Variants in RAB7B observed in about 807,000 individuals in gnomAD.
The protein encoded by RAB7B is ras-related protein Rab-7b.
chr1:205,994,342 C>T, intron 1 of RAB7B, 191 bp from the exon 2 acceptor site: 1 of 354,590 alleles, frequency 2.8e-6, no homozygotes, highest in Non-Finnish European at 5.0e-6. Flanking sequence ...TCCCTGGGGG[C>T]CTCCCCAAAG....
In RAB7B at chr1:205,991,058, A is replaced by ATTGTGC. The variant is rs1180904486; in HGVS notation, c.396+1421_396+1422insGCACAA. Among the ~76,000 whole-genome samples the ATTGTGC allele has an allele frequency of 5.3e-5, 8 of 152,310 alleles. No individual in the cohort carries two copies. In the East Asian group the frequency reaches 1.5e-3, roughly 29 times the overall value. ...AGTGCTGGGATTACAGGCGTGAGCC[A>ATTGTGC]CTGTGCCCGGCCAAGACTGTCTTAT... On this transcript the variant is annotated intron_variant, in intron 4 of 5. Transcript: ENST00000617070.
chr1:205,987,954 A>T (rs1324595216), intron 4 of RAB7B, among the ~76,000 whole-genome samples: 17 of 152,112 alleles, frequency 1.1e-4, no homozygotes, highest in African/African-American at 4.1e-4. Context: ...TATGCTGCCC[A>T]GGTTGGTCTT....
At chr1:205,988,768 C>T (rs1660662614) in intron 4 of RAB7B, among the ~76,000 whole-genome samples, 1 of 152,138 alleles carries the variant, frequency 6.6e-6, no homozygotes, top group Non-Finnish European at 1.5e-5. Context: ...ACCAGGTGGG[C>T]GGCTGTGAGT....
At chr1:205,980,831 C>T (rs1322949715) in intron 5 of RAB7B, among the ~76,000 whole-genome samples, 1 of 111,350 alleles carries the variant, frequency 9.0e-6, no homozygotes, top group East Asian at 3.3e-4. Flanking sequence ...CCCTCCCCTT[C>T]CCCTCCCCCT....
chr1:205,990,874 G>A (rs985431185), intron 4 of RAB7B, among the ~76,000 whole-genome samples: 6 of 143,346 alleles, frequency 4.2e-5, no homozygotes, highest in African/African-American at 1.0e-4. Context: ...TGCAACTTCC[G>A]CCTCCCAGGT....
chr1:206,000,550 A>G (rs1026701567), intron 1 of RAB7B, among the ~76,000 whole-genome samples: 2 of 152,182 alleles, frequency 1.3e-5, no homozygotes, highest in Admixed American at 1.3e-4. Context: ...CATGGGTAAA[A>G]TGGACATCAC....
intron 4 of RAB7B, among the ~76,000 whole-genome samples, chr1:205,991,415 A>G (rs1660720209): frequency 6.6e-6 from 1 of 152,240 alleles, no homozygotes; most frequent in African/African-American, 2.4e-5. Context: ...GATGACTCGT[A>G]GATCTCTATT....
chr1:206,002,559 G>C (rs978221238), intron 1 of RAB7B, among the ~76,000 whole-genome samples: 1 of 152,162 alleles, frequency 6.6e-6, no homozygotes, highest in Admixed American at 6.5e-5. Context: ...TACTATCTCC[G>C]TGGGACCTTT....
chr1:205,980,196 AC>A (rs1412199756), intron 5 of RAB7B, among the ~76,000 whole-genome samples: 2 of 151,312 alleles, frequency 1.3e-5, no homozygotes, highest in East Asian at 3.9e-4. Flanking sequence ...CCCATCTCTC[AC>A]CCCCCACCCT....
At chr1:205,990,306 T>A (rs2102638587) in intron 4 of RAB7B, among the ~76,000 whole-genome samples, 1 of 152,172 alleles carries the variant, frequency 6.6e-6, no homozygotes, top group East Asian at 1.9e-4. Flanking sequence ...GGAGGAACAG[T>A]TAAGGACTCA....
chr1:205,984,192 G>A (rs1185361332), intron 5 of RAB7B: 11 of 152,354 alleles, frequency 7.2e-5, no homozygotes, highest in African/African-American at 2.4e-4. Context: ...TTCCTTTCCC[G>A]AGACAGTGAG....
At chr1:205,979,639 G>A (rs1660450398) in intron 5 of RAB7B, among the ~76,000 whole-genome samples, 1 of 152,156 alleles carries the variant, frequency 6.6e-6, no homozygotes, top group Non-Finnish European at 1.5e-5. Flanking sequence ...TCTTCTTCAA[G>A]GGATCCCATC....
intron 1 of RAB7B, among the ~76,000 whole-genome samples, chr1:205,996,721 G>A (rs1293431692): frequency 2.0e-5 from 3 of 152,196 alleles, no homozygotes; most frequent in African/African-American, 7.2e-5. Context: ...AATTTATGAA[G>A]GAAAGAGGTT....
Position 205,977,505 on chromosome 1 carries a change from AC to A in RAB7B, c.*1345del, listed in dbSNP as rs1355160766. On this transcript the variant is annotated 3_prime_UTR_variant, in exon 6 of 6. Transcript: ENST00000617070. The stretch of plus-strand genomic sequence containing the variant: ...AAGCTTTGAGCATCTGAAGGACAAA[AC>A]CCCAGCTCCTAAAACCTTCATGAGC... 2.0e-5 allele frequency: 3 copies of A among 152,198 alleles called. No homozygotes were observed. Among genetic ancestry groups the A allele is most frequent in the Admixed American group, 2.0e-4 (3 of 15,288 alleles). 9.4% of individuals were successfully genotyped at this position (152,198 alleles called of 1,614,324 possible).
intron 1 of RAB7B, among the ~76,000 whole-genome samples, chr1:205,997,036 G>C (rs1660820938): frequency 6.6e-6 from 1 of 152,194 alleles, no homozygotes; most frequent in Non-Finnish European, 1.5e-5. Context: ...CCATATCATA[G>C]ACCAAAGGCG....
chr1:205,980,202 C>G (rs1015226179), intron 5 of RAB7B, among the ~76,000 whole-genome samples: 2 of 152,254 alleles, frequency 1.3e-5, no homozygotes, highest in African/African-American at 4.8e-5. Context: ...TCTCACCCCC[C>G]ACCCTGGTAG....
chr1:205,992,689 C>G lies in RAB7B; in HGVS notation c.187G>C (p.Asp63His). Residue 63 changes from aspartate (D) to histidine (H), a missense_variant, in exon 4 of 6, where the codon GAC becomes CAC. By Grantham distance (81) the Asp-to-His change is moderately conservative. Coordinates refer to ENST00000617070, the MANE Select transcript of RAB7B (RefSeq NM_001164522.3). ...GDTTLKLQIW[D>H]TGGQERFRSM... ...CGGAACCGCTCCTGACCGCCCGTGT[C>G]CCAGATCTGGAGGGGAAAGCAGTTG... 2.5e-6 allele frequency: 1 copy of G among 398,812 alleles called. No homozygotes were observed. The highest frequency in any genetic ancestry group is 4.4e-6 in the Non-Finnish European group (1 of 226,218). 24.7% of individuals were successfully genotyped at this position (398,812 alleles called of 1,614,324 possible). A position where few individuals can be genotyped will look rare whatever the true frequency, so the allele number is the denominator to read the frequency against.
intron 3 of RAB7B, 126 bp from the exon 4 acceptor site, chr1:205,992,821 T>C (rs2102640485): frequency 2.5e-6 from 1 of 397,410 alleles, no homozygotes; most frequent in South Asian, 1.4e-4. Context: ...CAGGTGCATA[T>C]GGTTCTTTCA....
intron 5 of RAB7B, among the ~76,000 whole-genome samples, chr1:205,979,507 T>TG (rs1660447912): frequency 6.6e-6 from 1 of 152,152 alleles, no homozygotes; most frequent in Non-Finnish European, 1.5e-5. Context: ...GCCAAGCTTC[T>TG]GCCTTTCCAG....
Sources: allele counts gnomAD v4.1 joint callset (sites outside exome capture counted in the v4.1 genomes callset), GRCh38; gene constraint gnomAD v4.1.1; transcripts MANE v1.5; gene names NCBI Gene and HGNC (gene_info 2026-07-23, HGNC 2026-07-21).